SCFD1: variants seen among roughly 807,000 people sequenced by gnomAD.
SCFD1 encodes sec1 family domain containing 1.
A neutral mutation model predicts 103.2 loss-of-function variants in SCFD1; 37 were observed. The ratio of observed to expected loss-of-function variants is 0.36; its 90% CI spans 0.28 to 0.47. The LOEUF (loss-of-function observed/expected upper bound fraction) is 0.47, where lower values mean the gene tolerates loss of function less well. Among genes scored for constraint, SCFD1 ranks in the 20% least tolerant of loss-of-function variants. SCFD1 has a pLI of 1.00. For synonymous variants in SCFD1, 264 were observed against 245.0 expected, an observed-to-expected ratio of 1.08 and a Z score of -0.73; for missense variants, 639 against 761.2, an observed-to-expected ratio of 0.84 and a Z score of 1.89.
chr14:30,622,371 A>AGCT lies in SCFD1; in HGVS notation c.35_36insTGC (p.Ala13dup), dbSNP rs753389726. On this transcript the variant is annotated inframe_insertion, in exon 1 of 25. Transcript: ENST00000458591. ...CGGCGGCGGCAGCGACAGCAGCAGCAGCAGCCAGTATTCGGGAAAGGCAGA... is the reference window on the plus strand; with the variant it reads ...CGGCGGCGGCAGCGACAGCAGCAGCAGCTGCAGCCAGTATTCGGGAAAGGCAGA... The AGCT allele has an allele frequency of 6.4e-7, 1 of 1,560,042 alleles. No homozygotes were observed. Among genetic ancestry groups the AGCT allele is most frequent in the African/African-American group, 1.4e-5 (1 of 73,462 alleles).
chr14:30,718,883 T>C (rs145417108), intron 20 of SCFD1, among the ~76,000 whole-genome samples: 2 of 152,280 alleles, frequency 1.3e-5, no homozygotes, highest in East Asian at 3.9e-4. Context: ...CAGGACTAAA[T>C]AGTAGCAACA....
chr14:30,645,964 T>C (rs1238135335), intron 7 of SCFD1, among the ~76,000 whole-genome samples: 1 of 152,152 alleles, frequency 6.6e-6, no homozygotes, highest in African/African-American at 2.4e-5. Context: ...TGTCATAGAT[T>C]ACTCTTATTA....
At chr14:30,627,161 AT>A (rs544545935) in intron 1 of SCFD1, among the ~76,000 whole-genome samples, 275 of 152,232 alleles carry the variant, frequency 1.8e-3, no homozygotes, top group African/African-American at 6.0e-3. Flanking sequence ...ATATTAAGGG[AT>A]TTTCATTTTC....
At chr14:30,722,030 G>A (rs1566662449) in intron 22 of SCFD1, 113 bp downstream of exon 22, 1 of 692,748 alleles carries the variant, frequency 1.4e-6, no homozygotes, top group Non-Finnish European at 2.4e-6. Flanking sequence ...ATGATAATTT[G>A]GCCTAGCAAT....
chr14:30,642,345 C>A (rs769042535), intron 6 of SCFD1, among the ~76,000 whole-genome samples: 9 of 152,208 alleles, frequency 5.9e-5, no homozygotes, highest in Non-Finnish European at 1.0e-4. Context: ...CCCCCTCAGC[C>A]TCCCAGAGTG....
intron 7 of SCFD1, among the ~76,000 whole-genome samples, chr14:30,643,716 A>G (rs925692597): frequency 6.6e-6 from 1 of 152,186 alleles, no homozygotes; most frequent in Non-Finnish European, 1.5e-5. Context: ...TTAATATTTC[A>G]TTATGAAAAA....
intron 7 of SCFD1, among the ~76,000 whole-genome samples, chr14:30,646,736 A>G (rs1173711413): frequency 6.6e-6 from 1 of 152,126 alleles, no homozygotes; most frequent in Non-Finnish European, 1.5e-5. Context: ...TTGGCTGTGA[A>G]TCCATCTGGT....
At chr14:30,664,547 A>C (rs1887748843) in intron 10 of SCFD1, among the ~76,000 whole-genome samples, 1 of 152,186 alleles carries the variant, frequency 6.6e-6, no homozygotes, top group African/African-American at 2.4e-5. Flanking sequence ...ACGGAGAATG[A>C]TGAGTTGACA....
intron 19 of SCFD1, among the ~76,000 whole-genome samples, chr14:30,708,565 T>G (rs779464633): frequency 1.3e-5 from 2 of 152,224 alleles, no homozygotes; most frequent in African/African-American, 2.4e-5. Context: ...TGGACTTTAC[T>G]TACATTTTGA....
At chr14:30,667,808 A>T (rs942063485) in intron 10 of SCFD1, among the ~76,000 whole-genome samples, 29 of 152,308 alleles carry the variant, frequency 1.9e-4, no homozygotes, top group Admixed American at 5.2e-4. Context: ...CACAATTGCT[A>T]CAAAGAGAAT....
chr14:30,624,512 G>T (rs1489387496), intron 1 of SCFD1, among the ~76,000 whole-genome samples: 1 of 152,150 alleles, frequency 6.6e-6, no homozygotes, highest in African/African-American at 2.4e-5. Context: ...TCTCATGTAA[G>T]ATCTTTCAGT....
At chr14:30,681,369 C>G (rs1177023923) in intron 14 of SCFD1, among the ~76,000 whole-genome samples, 2 of 152,034 alleles carry the variant, frequency 1.3e-5, no homozygotes, top group South Asian at 2.1e-4. Context: ...AAGGTCACTT[C>G]TGTTTATATT....
At chr14:30,708,205 G>A in intron 19 of SCFD1, 140 bp downstream of exon 19, 1 of 608,860 alleles carries the variant, frequency 1.6e-6, no homozygotes, top group Non-Finnish European at 2.9e-6. Context: ...TTTTTTTTAA[G>A]TTCTGGGGTA....
Position 30,707,802 on chromosome 14 carries a change from T to A in SCFD1, c.1554-188T>A, listed in dbSNP as rs777799153. ...AGTATTTTAATTACTATTTTATTGT[T>A]AAATAAAATTGCAGCTGTGATACCC... On this transcript the variant is annotated intron_variant, in intron 18 of 24. Transcript: ENST00000458591. 4.5e-6 allele frequency: 3 copies of A among 661,508 alleles called. No individual in the cohort carries two copies. The South Asian group carries it at 4.5e-5, about 10-fold the overall frequency. 41.0% of individuals were successfully genotyped at this position (661,508 alleles called of 1,614,324 possible).
At chr14:30,622,640 T>C (rs1238599410) in intron 1 of SCFD1, among the ~76,000 whole-genome samples, 3 of 152,158 alleles carry the variant, frequency 2.0e-5, no homozygotes, top group Admixed American at 6.5e-5. Context: ...TGCTCTTGTC[T>C]CCTTCCTAGT....
chr14:30,650,129 G>A (rs1680051445), intron 8 of SCFD1, among the ~76,000 whole-genome samples: 1 of 152,162 alleles, frequency 6.6e-6, no homozygotes, highest in South Asian at 2.1e-4. Flanking sequence ...CTGACTGGTG[G>A]AAGACTGCCT....
At chr14:30,700,953 G>T (rs916608043) in intron 16 of SCFD1, among the ~76,000 whole-genome samples, 2 of 152,142 alleles carry the variant, frequency 1.3e-5, no homozygotes, top group Admixed American at 6.5e-5. Context: ...AAAATACGTT[G>T]TCTATTCTGT....
intron 1 of SCFD1, among the ~76,000 whole-genome samples, chr14:30,622,632 C>T (rs928240405): frequency 2.6e-5 from 4 of 152,142 alleles, no homozygotes; most frequent in Non-Finnish European, 5.9e-5. Context: ...TACGGCCCTG[C>T]TCTTGTCTCC....
chr14:30,721,864 A>G lies in SCFD1; in HGVS notation c.1737-20A>G. 6.2e-7 allele frequency: 1 copy of G among 1,601,142 alleles called. No homozygotes were observed. Among genetic ancestry groups the G allele is most frequent in the Non-Finnish European group, 8.5e-7 (1 of 1,169,782 alleles). ...AAAAGCCATGGGTGAAATTTTCATTACGGTTTTTCTTTATTACAGCTCAGT... is the reference window on the plus strand; with the variant it reads ...AAAAGCCATGGGTGAAATTTTCATTGCGGTTTTTCTTTATTACAGCTCAGT... On this transcript the variant is annotated intron_variant, in intron 21 of 24. Coordinates refer to ENST00000458591, the MANE Select transcript of SCFD1 (RefSeq NM_016106.4).
Sources: gnomAD v4.1 joint callset for allele counts (sites outside exome capture counted in the v4.1 genomes callset) on GRCh38, gnomAD v4.1.1 for gene constraint, MANE v1.5 for transcripts, NCBI Gene and HGNC (gene_info 2026-07-23, HGNC 2026-07-21) for gene names.